Variants in CPB1 observed in about 807,000 individuals in gnomAD.
CPB1 encodes the protein carboxypeptidase B.
In CPB1, 53 loss-of-function variants were observed where a neutral mutation model predicts 51.4. The ratio of observed to expected loss-of-function variants is 1.03; its 90% CI spans 0.83 to 1.30. The LOEUF (loss-of-function observed/expected upper bound fraction) is 1.30, where lower values mean the gene tolerates loss of function less well. CPB1 is among the 50% of genes most tolerant of loss of function. CPB1 has a pLI of 0.00. For missense variants in CPB1, 494 were observed against 516.2 expected (o/e 0.96, Z 0.42); for synonymous variants, 189 against 186.9 (o/e 1.01, Z -0.09).
intron 3 of CPB1, chr3:148,838,138 C>T (rs535377845): frequency 6.6e-6 from 1 of 152,198 alleles, no homozygotes; most frequent in Admixed American, 6.5e-5. Flanking sequence ...GTCCCAGCTA[C>T]TCGGGAGGCT....
Position 148,860,128 on chromosome 3 carries a change from T to A in CPB1, c.*126T>A. The A allele has an allele frequency of 2.4e-6, 2 of 834,334 alleles. No homozygotes were observed. Among genetic ancestry groups the A allele is most frequent in the Non-Finnish European group, 3.7e-6 (2 of 533,934 alleles). 51.7% of individuals were successfully genotyped at this position (834,334 alleles called of 1,614,324 possible). ...CTTTCTTTTAAGCTTCTGGGTCTATTAAACTAGGTAGATCTTTTCGTATTG... is the reference window on the plus strand; with the variant it reads ...CTTTCTTTTAAGCTTCTGGGTCTATAAAACTAGGTAGATCTTTTCGTATTG... On this transcript the variant is annotated 3_prime_UTR_variant, in exon 11 of 11. Transcript: ENST00000282957.
chr3:148,841,997 A>G (rs1016579426), intron 6 of CPB1, 73 bp downstream of exon 6: 12 of 1,150,834 alleles, frequency 1.0e-5, no homozygotes, highest in Non-Finnish European at 1.5e-5. Flanking sequence ...TAAAACCTAG[A>G]GAGAATAATA....
At position 148,846,137 on chromosome 3, in the gene CPB1, A is replaced by G. The variant is rs564427835; in HGVS notation, c.981+511A>G. Among the ~76,000 whole-genome samples, 19 of 152,320 alleles carry G rather than the reference A, an allele frequency of 1.2e-4. No homozygotes were observed. In the South Asian group the frequency reaches 3.7e-3, roughly 30 times the overall value. ...TTTTGATTGGGTGAGACTCAAAAGT[A>G]AATCAATCAATGAACAAATAATGTG... is the stretch of plus-strand genomic sequence containing the variant. On this transcript the variant is annotated intron_variant, in intron 9 of 10. Transcript: ENST00000282957.
At chr3:148,838,291 C>G (rs2108013572) in intron 3 of CPB1, 1 of 151,474 alleles carries the variant, frequency 6.6e-6, no homozygotes, top group East Asian at 1.9e-4. Context: ...AATTTCAACT[C>G]AAGGGTTGGG....
chr3:148,847,372 TAAAAAA>T (rs3043983), intron 9 of CPB1, among the ~76,000 whole-genome samples: 1 of 86,718 alleles, frequency 1.2e-5, no homozygotes, highest in East Asian at 3.6e-4. Context: ...AAATCATTCT[TAAAAAA>T]AAAAAAAAAA....
At chr3:148,837,289 C>T (rs965898205) in intron 3 of CPB1, among the ~76,000 whole-genome samples, 3 of 152,076 alleles carry the variant, frequency 2.0e-5, no homozygotes, top group African/African-American at 4.8e-5. Context: ...AGGAAGGTGT[C>T]CCAGGACAGC....
At chr3:148,832,244 A>G (rs1254271185) in intron 2 of CPB1, among the ~76,000 whole-genome samples, 1 of 152,168 alleles carries the variant, frequency 6.6e-6, no homozygotes, top group Non-Finnish European at 1.5e-5. Context: ...CAGAGCTAGG[A>G]CCAATGGGTA....
chr3:148,845,628 T>C lies in CPB1; in HGVS notation c.981+2T>C. 6.2e-7 allele frequency: 1 copy of C among 1,609,476 alleles called. No homozygotes were observed. Among genetic ancestry groups the C allele is most frequent in the Non-Finnish European group, 8.5e-7 (1 of 1,175,856 alleles). On this transcript the variant is annotated splice_donor_variant, in intron 9 of 10. Transcript: ENST00000282957. LOFTEE classifies it high-confidence loss of function. ...CTCGGTGAGAACAATGCTGAGTTGG[T>C]AAGTAGCAAAGTAGTAGGTATGACA... is the stretch of plus-strand genomic sequence containing the variant.
At chr3:148,834,834 G>GT (rs1284387865) in intron 3 of CPB1, among the ~76,000 whole-genome samples, 2 of 152,076 alleles carry the variant, frequency 1.3e-5, no homozygotes, top group Non-Finnish European at 2.9e-5. Context: ...AATTAAAATG[G>GT]TTTTTATTCT....
intron 9 of CPB1, chr3:148,856,499 G>A (rs1713571206): frequency 2.6e-5 from 4 of 152,184 alleles, no homozygotes; most frequent in Admixed American, 2.6e-4. Context: ...GGCATATGTA[G>A]AAGAAGTAAT....
chr3:148,828,091 T>G lies in CPB1; in HGVS notation c.147+14T>G. Reference sequence around the variant, plus strand: ...AGCACGACCCAGGTAAGTAACAATTTTGATTTACTTCACATCTAATTTAAA... The same window carrying G: ...AGCACGACCCAGGTAAGTAACAATTGTGATTTACTTCACATCTAATTTAAA... On this transcript the variant is annotated intron_variant, in intron 2 of 10. Transcript: ENST00000282957. 1 of 1,599,952 alleles carries G rather than the reference T, an allele frequency of 6.3e-7. No individual in the cohort carries two copies. The highest frequency in any genetic ancestry group is 8.6e-7 in the Non-Finnish European group (1 of 1,168,644).
At chr3:148,856,561 G>C (rs919992507) in intron 9 of CPB1, 1 of 152,172 alleles carries the variant, frequency 6.6e-6, no homozygotes, top group African/African-American at 2.4e-5. Flanking sequence ...AATGAATTAT[G>C]GCTAATTCTC....
At chr3:148,841,758 TG>T in intron 5 of CPB1, 64 bp from the exon 6 acceptor site, 1 of 1,307,176 alleles carries the variant, frequency 7.7e-7, no homozygotes, top group Non-Finnish European at 1.1e-6. Flanking sequence ...AGATGGGTAG[TG>T]GAGGTTAACC....
At chr3:148,830,160 C>G (rs1190159703) in intron 2 of CPB1, among the ~76,000 whole-genome samples, 1 of 152,158 alleles carries the variant, frequency 6.6e-6, no homozygotes, top group Non-Finnish European at 1.5e-5. Context: ...AGAATCCATG[C>G]CAGGCCCCAG....
intron 3 of CPB1, among the ~76,000 whole-genome samples, chr3:148,838,633 C>G (rs1712982551): frequency 6.6e-6 from 1 of 152,034 alleles, no homozygotes; most frequent in Non-Finnish European, 1.5e-5. Flanking sequence ...ACAGTGGTAA[C>G]TGGGAAATTT....
intron 3 of CPB1, among the ~76,000 whole-genome samples, chr3:148,835,646 C>T (rs547860301): frequency 2.6e-5 from 4 of 152,164 alleles, no homozygotes; most frequent in Non-Finnish European, 5.9e-5. Context: ...AGAGGTCCTC[C>T]TCCAGGGGGT....
intron 2 of CPB1, among the ~76,000 whole-genome samples, chr3:148,831,220 C>A (rs1449225550): frequency 1.3e-5 from 2 of 152,146 alleles, no homozygotes. Context: ...TTTCTCTGGA[C>A]TGTCTTGAAG....
At chr3:148,857,334 A>G (rs1576575227) in intron 9 of CPB1, 123 bp from the exon 10 acceptor site, 3 of 670,188 alleles carry the variant, frequency 4.5e-6, no homozygotes, top group East Asian at 5.6e-5. Context: ...GGTCCTGAAT[A>G]AGCATATAAT....
chr3:148,845,422 A>G lies in CPB1; in HGVS notation c.779-2A>G. 6.2e-7 allele frequency: 1 copy of G among 1,613,686 alleles called. No individual in the cohort carries two copies. The highest frequency in any genetic ancestry group is 1.1e-5 in the South Asian group (1 of 91,054). On this transcript the variant is annotated splice_acceptor_variant, in intron 8 of 10. Coordinates refer to ENST00000282957, the MANE Select transcript of CPB1 (RefSeq NM_001871.3). LOFTEE classifies it high-confidence loss of function. The stretch of plus-strand genomic sequence containing the variant: ...TGCCATTAACATCATATGTTTTTCC[A>G]GAAATTGGAGCCTCTCGAAACCCCT...
Sources: allele counts gnomAD v4.1 joint callset (sites outside exome capture counted in the v4.1 genomes callset), GRCh38; gene constraint gnomAD v4.1.1; transcripts MANE v1.5; gene names NCBI Gene and HGNC (gene_info 2026-07-23, HGNC 2026-07-21).